The following STK31 variants were observed in gnomAD, a reference collection of about 807,000 sequenced individuals.
STK31 encodes serine/threonine kinase 31, also known as serine/threonine-protein kinase 31.
STK31 carries 89 observed loss-of-function variants against 129.7 expected under a neutral mutation model. That is an observed-to-expected ratio of 0.69 (90% CI 0.58 to 0.82). The LOEUF (loss-of-function observed/expected upper bound fraction) is 0.82. Ranked by LOEUF, STK31 falls within the 40% of genes least tolerant of loss-of-function variation. The probability of loss-of-function intolerance (pLI) is 0.00; values close to 1 mark genes in which losing one functional copy is unlikely to be tolerated. For synonymous variants in STK31, 448 were observed against 395.3 expected (o/e 1.13, Z -1.58); for missense variants, 1,187 against 1,176.4 (o/e 1.01, Z -0.13).
At chr7:23,801,629 G>C (rs550683588) in intron 22 of STK31, among the ~76,000 whole-genome samples, 1 of 152,170 alleles carries the variant, frequency 6.6e-6, no homozygotes, top group South Asian at 2.1e-4. Context: ...CCAAAGACTT[G>C]AATATTTTTT....
chr7:23,718,378 T>C (rs1298131683), intron 4 of STK31, among the ~76,000 whole-genome samples: 4 of 152,132 alleles, frequency 2.6e-5, no homozygotes, highest in African/African-American at 7.2e-5. Flanking sequence ...TATATATCTC[T>C]TAAGATCCTA....
At position 23,772,186 on chromosome 7, in the gene STK31, A is replaced by G. The variant is rs1790240276; in HGVS notation, c.1873A>G (p.Ser625Gly). The G allele has an allele frequency of 6.2e-7, 1 of 1,600,584 alleles. No individual in the cohort carries two copies. The highest frequency in any genetic ancestry group is 1.3e-5 in the African/African-American group (1 of 74,522). Residue 625 changes from serine (S) to glycine (G), a missense_variant, in exon 15 of 24, where the codon AGT (serine) becomes GGT (glycine). This residue lies in a region of STK31 where 975 missense variants were observed against 934.9 expected (regional missense o/e 1.04). Transcript: ENST00000355870. ...TATTGAATATTTAAATAAGAGTCCC[A>G]GTGTGGATCACTTGCTATCCATTAA... ...QLIEYLNKSP[S>G]VDHLLSIKKT...
Position 23,781,427 on chromosome 7 carries a change from T to G in STK31, c.1974T>G (p.Asp658Glu), listed in dbSNP as rs774453681. Reference protein sequence around the residue: ...VEKSNLEESDDPDGSQIEKIK... With the variant: ...VEKSNLEESDEPDGSQIEKIK... ...TTTCTTTCTGATTCAAGTCAGATGA[T>G]CCTGATGGCTCTCAAATTGAGAAAA... Residue 658 changes from aspartate (D) to glutamate (E), a missense_variant, in exon 16 of 24, where the codon GAT (aspartate) becomes GAG (glutamate). Coordinates refer to ENST00000355870, the MANE Select transcript of STK31 (RefSeq NM_031414.5). 3 of 1,608,738 alleles carry G rather than the reference T, an allele frequency of 1.9e-6. No individual in the cohort carries two copies. Among genetic ancestry groups the G allele is most frequent in the Non-Finnish European group, 2.5e-6 (3 of 1,178,222 alleles).
At chr7:23,808,000 T>C (rs1244645977) in intron 22 of STK31, among the ~76,000 whole-genome samples, 1 of 151,934 alleles carries the variant, frequency 6.6e-6, no homozygotes, top group African/African-American at 2.4e-5. Flanking sequence ...AAAATCCTTC[T>C]CAGATAATCA....
intron 20 of STK31, 130 bp downstream of exon 20, chr7:23,787,054 A>C: frequency 1.2e-6 from 1 of 807,770 alleles, no homozygotes; most frequent in Non-Finnish European, 2.0e-6. Flanking sequence ...TTGTCACCTC[A>C]AGCCTGTGAT....
chr7:23,749,344 G>GTTT (rs201417190), intron 8 of STK31, among the ~76,000 whole-genome samples: 31 of 124,906 alleles, frequency 2.5e-4, no homozygotes, highest in African/African-American at 8.0e-4. Context: ...TTCTTTTCTT[G>GTTT]TTTTTTTTTT....
chr7:23,768,400 C>T (rs977861730), intron 11 of STK31, among the ~76,000 whole-genome samples: 1 of 152,140 alleles, frequency 6.6e-6, no homozygotes, highest in Non-Finnish European at 1.5e-5. Flanking sequence ...TTAAGTGATG[C>T]ATGATTGTCC....
At chr7:23,797,302 C>T (rs1219407940) in intron 22 of STK31, among the ~76,000 whole-genome samples, 1 of 152,184 alleles carries the variant, frequency 6.6e-6, no homozygotes, top group Non-Finnish European at 1.5e-5. Flanking sequence ...CCCAAATCAA[C>T]AGCGTATACA....
chr7:23,810,858 A>G (rs1166947505), intron 22 of STK31, among the ~76,000 whole-genome samples: 1 of 140,916 alleles, frequency 7.1e-6, no homozygotes, highest in East Asian at 2.0e-4. Flanking sequence ...ATATGTATAA[A>G]TATATATTAT....
In STK31 at chr7:23,772,159, C is replaced by A; in HGVS notation, c.1846C>A (p.Leu616Ile). ...YKDSIEFKKQ[L>I]IEYLNKSPSV... ...TTTGTTTACTTAGTTTAAAAAGCAG[C>A]TTATTGAATATTTAAATAAGAGTCC... Residue 616 changes from leucine (L) to isoleucine (I), a missense_variant, in exon 15 of 24, where the codon CTT becomes ATT. Coordinates refer to ENST00000355870, the MANE Select transcript of STK31 (RefSeq NM_031414.5). 1 of 1,572,440 alleles carries A rather than the reference C, an allele frequency of 6.4e-7. No individual in the cohort carries two copies. The highest frequency in any genetic ancestry group is 8.6e-7 in the Non-Finnish European group (1 of 1,161,368).
In STK31 at chr7:23,810,940, T is replaced by C. The variant is rs1304233480; in HGVS notation, c.2761-4204T>C. 1.1e-4 allele frequency among the ~76,000 whole-genome samples: 16 copies of C among 140,344 alleles called. 1 individual carries two copies. The highest frequency in any genetic ancestry group is 2.1e-4 in the African/African-American group (8 of 37,862). The allele number at this position is 140,344 out of a possible 152,430, so 92.1% of individuals were successfully genotyped here. ...ATATGTATATATGTGTGTGTGTATA[T>C]ACACACACACACACACACACACCTA... is the stretch of plus-strand genomic sequence containing the variant. On this transcript the variant is annotated intron_variant, in intron 22 of 23. Coordinates refer to ENST00000355870, the MANE Select transcript of STK31 (RefSeq NM_031414.5).
chr7:23,820,877 T>C (rs1291587052), intron 23 of STK31, among the ~76,000 whole-genome samples: 1 of 152,248 alleles, frequency 6.6e-6, no homozygotes, highest in Non-Finnish European at 1.5e-5. Flanking sequence ...TTGAACAGTA[T>C]TCCACATTTT....
chr7:23,763,443 A>G (rs1456284770), intron 11 of STK31, among the ~76,000 whole-genome samples: 2 of 152,196 alleles, frequency 1.3e-5, no homozygotes, highest in African/African-American at 4.8e-5. Context: ...GTGAATGAAC[A>G]TGACAGTGTT....
upstream of STK31, chr7:23,710,146 G>C: frequency 6.8e-7 from 1 of 1,475,380 alleles, no homozygotes; most frequent in Non-Finnish European, 9.2e-7. Context: ...GGCAGGCCGT[G>C]GCTGCCACGT....
At chr7:23,762,752 G>A in intron 10 of STK31, 49 bp from the exon 11 acceptor site, 5 of 1,593,062 alleles carry the variant, frequency 3.1e-6, no homozygotes, top group Non-Finnish European at 4.3e-6. Flanking sequence ...GTCATATGCG[G>A]AAAAGACCTG....
chr7:23,777,759 A>G (rs577303415), intron 15 of STK31, among the ~76,000 whole-genome samples: 1 of 152,198 alleles, frequency 6.6e-6, no homozygotes, highest in African/African-American at 2.4e-5. Context: ...TCCTGAATAT[A>G]GCACACCAAT....
intron 23 of STK31, among the ~76,000 whole-genome samples, chr7:23,817,839 C>T (rs1423314602): frequency 6.6e-6 from 1 of 152,052 alleles, no homozygotes; most frequent in East Asian, 1.9e-4. Flanking sequence ...AGTAGTGTCC[C>T]CTTTTTCATT....
chr7:23,796,057 C>T (rs976987757), intron 22 of STK31, among the ~76,000 whole-genome samples: 1 of 152,138 alleles, frequency 6.6e-6, no homozygotes, highest in Non-Finnish European at 1.5e-5. Flanking sequence ...AATGTGAAGA[C>T]ATGAGATTTG....
chr7:23,786,830 CT>C lies in STK31; in HGVS notation c.2401-6del. On this transcript the variant is annotated splice_region_variant and splice_polypyrimidine_tract_variant and intron_variant, in intron 19 of 23. Coordinates refer to ENST00000355870, the MANE Select transcript of STK31 (RefSeq NM_031414.5). ...ACTTGGAGTCACATTCTCTGTTTTG[CT>C]TCTTAGTCTGATCCTATGGCTTATC... 6.2e-7 allele frequency: 1 copy of C among 1,608,524 alleles called. No homozygotes were observed. Among genetic ancestry groups the C allele is most frequent in the Non-Finnish European group, 8.5e-7 (1 of 1,178,366 alleles).
Sources: gnomAD v4.1 joint callset for allele counts (sites outside exome capture counted in the v4.1 genomes callset) on GRCh38, gnomAD v4.1.1 for gene constraint, gnomAD v4.1.1 regional missense constraint, MANE v1.5 for transcripts, NCBI Gene and HGNC (gene_info 2026-07-23, HGNC 2026-07-21) for gene names.